The following DEUP1 variants were observed in gnomAD, a reference collection of about 807,000 sequenced individuals.
DEUP1 encodes coiled-coil domain containing 67.
Under a neutral mutation model 87.4 loss-of-function variants are expected in DEUP1, and 82 were observed. That is an observed-to-expected ratio of 0.94 (90% confidence interval 0.78 to 1.13). DEUP1 has a LOEUF of 1.13. DEUP1 is among the 50% of genes most tolerant of loss of function. DEUP1 has a pLI of 0.00. For missense variants in DEUP1, 663 were observed against 681.5 expected, an observed-to-expected ratio of 0.97 and a Z score of 0.30; for synonymous variants, 214 against 222.7, an observed-to-expected ratio of 0.96 and a Z score of 0.35.
At chr11:93,433,364 TA>T (rs1346465568) in intron 13 of DEUP1, among the ~76,000 whole-genome samples, 1 of 152,044 alleles carries the variant, frequency 6.6e-6, no homozygotes, top group African/African-American at 2.4e-5. Context: ...AAAACTTTTT[TA>T]AAAAAGAGCT....
chr11:93,386,152 G>C (rs1047473038), intron 8 of DEUP1, among the ~76,000 whole-genome samples: 5 of 151,790 alleles, frequency 3.3e-5, no homozygotes, highest in African/African-American at 1.2e-4. Context: ...CCTTTGTTTT[G>C]ATTGCCTATA....
intron 2 of DEUP1, among the ~76,000 whole-genome samples, chr11:93,347,568 T>C (rs1944416846): frequency 1.3e-5 from 2 of 152,130 alleles, no homozygotes; most frequent in South Asian, 4.1e-4. Context: ...CTCAATTTTT[T>C]GGAATAGTTT....
intron 13 of DEUP1, among the ~76,000 whole-genome samples, chr11:93,435,245 G>A (rs1307751004): frequency 6.6e-6 from 1 of 152,126 alleles, no homozygotes; most frequent in Non-Finnish European, 1.5e-5. Context: ...CTCCTTGAGG[G>A]ATGATGCCAT....
At position 93,418,114 on chromosome 11, in the gene DEUP1, G is replaced by A. The variant is rs930622768; in HGVS notation, c.1638+3000G>A. On this transcript the variant is annotated intron_variant, in intron 13 of 13. Coordinates refer to ENST00000298050, the MANE Select transcript of DEUP1 (RefSeq NM_181645.4). The stretch of plus-strand genomic sequence containing the variant: ...CCTAGGCATTACCATTCAGGACATA[G>A]GCACGGGCAAGGACTTCATGTCTAA... Among the ~76,000 whole-genome samples, 59 of 152,278 alleles carry A rather than the reference G, an allele frequency of 3.9e-4. 1 individual carries two copies. Among genetic ancestry groups the A allele is most frequent in the African/African-American group, 1.4e-3 (57 of 41,550 alleles).
Position 93,437,713 on chromosome 11 carries a change from C to T in DEUP1, c.1809C>T (p.His603=), listed in dbSNP as rs1282851583. 2 of 1,576,832 alleles carry T rather than the reference C, an allele frequency of 1.3e-6. No individual in the cohort carries two copies. Among genetic ancestry groups the T allele is most frequent in the Non-Finnish European group, 1.7e-6 (2 of 1,151,892 alleles). The change falls in exon 14 of 14, where the codon CAC becomes CAT. Residue 603 remains histidine, a synonymous_variant. Transcript: ENST00000298050. The part of the protein sequence containing the change: ...NKYSKLKQNR[H]I ...ACTCCAAGCTAAAACAAAATAGACA[C>T]ATATGAGCTTTTAAACTTTTTTATT...
chr11:93,383,392 T>C (rs1946391978), intron 7 of DEUP1: 1 of 422,692 alleles, frequency 2.4e-6, no homozygotes, highest in Admixed American at 4.0e-5. Context: ...ATGACACCAT[T>C]TGTATGAAAC....
At chr11:93,372,739 C>T (rs901555985) in intron 7 of DEUP1, among the ~76,000 whole-genome samples, 2 of 152,174 alleles carry the variant, frequency 1.3e-5, no homozygotes, top group African/African-American at 2.4e-5. Context: ...AGTTAGAATA[C>T]AGATGTAAAC....
At chr11:93,366,422 C>G (rs1945419392) in intron 5 of DEUP1, among the ~76,000 whole-genome samples, 1 of 152,172 alleles carries the variant, frequency 6.6e-6, no homozygotes, top group Non-Finnish European at 1.5e-5. Flanking sequence ...CCCTGATCCA[C>G]TCTAAACCTT....
chr11:93,376,610 A>AT (rs1280867053), intron 7 of DEUP1, among the ~76,000 whole-genome samples: 2 of 151,552 alleles, frequency 1.3e-5, no homozygotes, highest in East Asian at 3.9e-4. Flanking sequence ...TTTTGTTTCA[A>AT]TTTCATTTAG....
chr11:93,379,080 C>G (rs912057218), intron 7 of DEUP1, among the ~76,000 whole-genome samples: 2 of 152,114 alleles, frequency 1.3e-5, no homozygotes, highest in African/African-American at 4.8e-5. Context: ...CTGGTTCTAC[C>G]CTTCAGTGAA....
chr11:93,385,896 AT>A (rs1946522355), intron 8 of DEUP1, among the ~76,000 whole-genome samples: 1 of 151,832 alleles, frequency 6.6e-6, no homozygotes, highest in South Asian at 2.1e-4. Flanking sequence ...CTTCAAAAAA[AT>A]TTTTTATTAC....
chr11:93,411,252 C>T (rs1293577820), intron 12 of DEUP1: 1 of 152,078 alleles, frequency 6.6e-6, no homozygotes, highest in Admixed American at 6.6e-5. Context: ...ATAAATTAAT[C>T]AAAAACATAC....
intron 13 of DEUP1, among the ~76,000 whole-genome samples, chr11:93,418,211 C>G (rs1565348366): frequency 6.6e-6 from 1 of 152,026 alleles, no homozygotes; most frequent in Non-Finnish European, 1.5e-5. Context: ...AGCTTCTGCA[C>G]AGCAAAAGAA....
chr11:93,371,833 G>GT (rs1234943218), intron 7 of DEUP1, among the ~76,000 whole-genome samples: 9 of 151,082 alleles, frequency 6.0e-5, no homozygotes, highest in Admixed American at 5.3e-4. Flanking sequence ...ACTGAATAAT[G>GT]TTTTTTTCTT....
At chr11:93,401,720 A>G (rs901669553) in intron 11 of DEUP1, among the ~76,000 whole-genome samples, 2 of 152,014 alleles carry the variant, frequency 1.3e-5, no homozygotes, top group African/African-American at 4.8e-5. Context: ...AATTAGATAT[A>G]TTGAAAATAA....
At chr11:93,429,736 T>A (rs577522905) in intron 13 of DEUP1, among the ~76,000 whole-genome samples, 2 of 152,150 alleles carry the variant, frequency 1.3e-5, no homozygotes, top group East Asian at 3.8e-4. Context: ...TCAGCACTAG[T>A]AGGCACATAA....
chr11:93,341,059 TGG>T (rs1258914394), intron 2 of DEUP1, among the ~76,000 whole-genome samples: 1 of 152,180 alleles, frequency 6.6e-6, no homozygotes, highest in African/African-American at 2.4e-5. Context: ...ATTCTTATTT[TGG>T]GTTCCTAGAG....
At chr11:93,363,647 A>G (rs1388661704) in intron 4 of DEUP1, among the ~76,000 whole-genome samples, 3 of 151,892 alleles carry the variant, frequency 2.0e-5, no homozygotes, top group African/African-American at 7.2e-5. Context: ...AAGAATTATC[A>G]TTAAGAAAAA....
intron 10 of DEUP1, 50 bp from the exon 11 acceptor site, chr11:93,396,189 A>C (rs1946940348): frequency 8.8e-7 from 1 of 1,131,286 alleles, no homozygotes; most frequent in African/African-American, 1.6e-5. Context: ...TAATAGAATT[A>C]TGAGTTTTTA....
Sources: allele counts gnomAD v4.1 joint callset (sites outside exome capture counted in the v4.1 genomes callset), GRCh38; gene constraint gnomAD v4.1.1; transcripts MANE v1.5; gene names NCBI Gene and HGNC (gene_info 2026-07-23, HGNC 2026-07-21).